ZRANB3: variants seen among roughly 807,000 people sequenced by gnomAD.
The protein encoded by ZRANB3 is zinc finger RANBP2-type containing 3.
ZRANB3 carries 125 observed loss-of-function variants against 133.8 expected under a neutral mutation model. That is an observed-to-expected ratio of 0.93 (90% confidence interval 0.81 to 1.08). ZRANB3 has a LOEUF of 1.08. Ranked by LOEUF, ZRANB3 falls within the 50% of genes least tolerant of loss-of-function variation. The pLI is 0.00. For missense variants in ZRANB3, 1,229 were observed against 1,275.5 expected (o/e 0.96, Z 0.56); for synonymous variants, 387 against 432.7 (o/e 0.89, Z 1.31).
chr2:135,339,398 C>A (rs1684524252), intron 6 of ZRANB3, among the ~76,000 whole-genome samples: 1 of 149,462 alleles, frequency 6.7e-6, no homozygotes, highest in South Asian at 2.1e-4. Flanking sequence ...AGCAAGACTC[C>A]ATCTGAAAAA....
intron 8 of ZRANB3, among the ~76,000 whole-genome samples, chr2:135,284,659 A>G (rs1463736701): frequency 6.6e-6 from 1 of 151,452 alleles, no homozygotes; most frequent in Non-Finnish European, 1.5e-5. Context: ...TTTTAGTAGA[A>G]ACGGGGTTTC....
chr2:135,240,453 T>C (rs1426313430), intron 12 of ZRANB3, among the ~76,000 whole-genome samples: 1 of 152,248 alleles, frequency 6.6e-6, no homozygotes, highest in East Asian at 1.9e-4. Context: ...ACAAATTCTA[T>C]CAGCTATTTC....
At chr2:135,340,099 C>T (rs1573938449) in intron 6 of ZRANB3, among the ~76,000 whole-genome samples, 2 of 147,468 alleles carry the variant, frequency 1.4e-5, no homozygotes, top group Non-Finnish European at 3.0e-5. Context: ...ATCCCTGTCC[C>T]TTTTCTTTTT....
At chr2:135,254,559 GCCAAGAT>G (rs770620882) in intron 12 of ZRANB3, among the ~76,000 whole-genome samples, 7 of 151,954 alleles carry the variant, frequency 4.6e-5, no homozygotes, top group Non-Finnish European at 8.8e-5. Context: ...GTTGCAGTGA[GCCAAGAT>G]CATACTACTG....
intron 3 of ZRANB3, among the ~76,000 whole-genome samples, chr2:135,384,297 G>C (rs1293973407): frequency 6.6e-6 from 1 of 152,140 alleles, no homozygotes; most frequent in African/African-American, 2.4e-5. Flanking sequence ...AAACCAGGAA[G>C]AAGTTGAATC....
intron 2 of ZRANB3, among the ~76,000 whole-genome samples, chr2:135,428,191 C>T (rs1689173193): frequency 6.6e-6 from 1 of 152,002 alleles, no homozygotes; most frequent in Admixed American, 6.6e-5. Context: ...GCCTGTAATC[C>T]TAGCACTTTG....
At chr2:135,282,424 G>A (rs1681140527) in intron 8 of ZRANB3, among the ~76,000 whole-genome samples, 1 of 152,176 alleles carries the variant, frequency 6.6e-6, no homozygotes, top group South Asian at 2.1e-4. Flanking sequence ...TCTGGTAGGA[G>A]ACAGCCTTCA....
chr2:135,295,106 A>AT (rs1296293822), intron 8 of ZRANB3, among the ~76,000 whole-genome samples: 1 of 152,142 alleles, frequency 6.6e-6, no homozygotes, highest in African/African-American at 2.4e-5. Context: ...GTAGATGTCT[A>AT]TTAGGTCCAC....
At chr2:135,502,508 C>T (rs1692993640) in intron 2 of ZRANB3, among the ~76,000 whole-genome samples, 1 of 152,122 alleles carries the variant, frequency 6.6e-6, no homozygotes, top group African/African-American at 2.4e-5. Flanking sequence ...TTATAAAATC[C>T]ATTTCATAGT....
At chr2:135,406,791 T>C (rs1229920274) in intron 2 of ZRANB3, among the ~76,000 whole-genome samples, 3 of 152,116 alleles carry the variant, frequency 2.0e-5, no homozygotes, top group African/African-American at 7.2e-5. Flanking sequence ...CTAAACACTC[T>C]CAATAAATTA....
chr2:135,376,151 C>T (rs1573998009), intron 3 of ZRANB3, among the ~76,000 whole-genome samples: 1 of 152,244 alleles, frequency 6.6e-6, no homozygotes, highest in East Asian at 1.9e-4. Flanking sequence ...CTGGCCTTCA[C>T]TGGCAAGTAG....
chr2:135,229,046 G>A (rs1290740317), intron 13 of ZRANB3, among the ~76,000 whole-genome samples: 3 of 152,108 alleles, frequency 2.0e-5, no homozygotes, highest in African/African-American at 4.8e-5. Context: ...TTATTTTATA[G>A]TCACAATAGA....
At chr2:135,358,940 A>C (rs1311447045) in intron 3 of ZRANB3, among the ~76,000 whole-genome samples, 1 of 151,416 alleles carries the variant, frequency 6.6e-6, no homozygotes, top group African/African-American at 2.4e-5. Flanking sequence ...ACCCCACCCC[A>C]TAAGCCCAAT....
In ZRANB3 at chr2:135,511,951, G is replaced by A. The variant is rs529532636; in HGVS notation, c.-7-7455C>T. On this transcript the variant is annotated intron_variant, in intron 1 of 20. Coordinates refer to ENST00000264159, the MANE Select transcript of ZRANB3 (RefSeq NM_032143.4). ...AGCCTTCTCCATCACCATTGCTTTG[G>A]TCAATTCAAACTGAGGGGAAAAAGT... is the stretch of plus-strand genomic sequence containing the variant. The A allele has an allele frequency of 5.4e-6, 4 of 742,910 alleles. No individual in the cohort carries two copies. In the Admixed American group the frequency reaches 7.4e-5, roughly 14 times the overall value. The allele number at this position is 742,910 out of a possible 1,614,324, so 46.0% of individuals were successfully genotyped here.
At chr2:135,319,587 A>G (rs1683422356) in intron 6 of ZRANB3, among the ~76,000 whole-genome samples, 1 of 152,244 alleles carries the variant, frequency 6.6e-6, no homozygotes, top group African/African-American at 2.4e-5. Flanking sequence ...AAGAATTGAA[A>G]GAATTATTCG....
At chr2:135,455,065 C>G (rs1690440189) in intron 2 of ZRANB3, among the ~76,000 whole-genome samples, 1 of 150,822 alleles carries the variant, frequency 6.6e-6, no homozygotes, top group South Asian at 2.1e-4. Context: ...ATAACTTAGG[C>G]TGGGTCAAGA....
intron 3 of ZRANB3, among the ~76,000 whole-genome samples, chr2:135,383,892 G>A (rs1015176688): frequency 6.6e-6 from 1 of 152,070 alleles, no homozygotes; most frequent in African/African-American, 2.4e-5. Context: ...GGGACAGCAG[G>A]AAAGATCTAA....
At chr2:135,329,033 T>A (rs1683994670) in intron 6 of ZRANB3, among the ~76,000 whole-genome samples, 1 of 152,236 alleles carries the variant, frequency 6.6e-6, no homozygotes, top group African/African-American at 2.4e-5. Context: ...GATGATAGTT[T>A]CTTTTGCAGT....
In ZRANB3 at chr2:135,289,280, G is replaced by A. The variant is rs144066242; in HGVS notation, c.967-13525C>T. 3.0e-3 allele frequency among the ~76,000 whole-genome samples: 453 copies of A among 152,166 alleles called. 3 individuals carry two copies. The highest frequency in any genetic ancestry group is 0.01 in the African/African-American group (422 of 41,530). Reference sequence around the variant, plus strand: ...GATTTCTTTTTTTGTTTTTAAGACGGAGTCTCACTCTGTCGCCAAGGCTGG... The same window carrying A: ...GATTTCTTTTTTTGTTTTTAAGACGAAGTCTCACTCTGTCGCCAAGGCTGG... On this transcript the variant is annotated intron_variant, in intron 8 of 20. Coordinates refer to ENST00000264159, the MANE Select transcript of ZRANB3 (RefSeq NM_032143.4).
Sources: gnomAD v4.1 joint callset for allele counts (sites outside exome capture counted in the v4.1 genomes callset) on GRCh38, gnomAD v4.1.1 for gene constraint, MANE v1.5 for transcripts, NCBI Gene and HGNC (gene_info 2026-07-23, HGNC 2026-07-21) for gene names.